The following GTPBP10 variants were observed in gnomAD, a reference collection of about 807,000 sequenced individuals.
GTPBP10 encodes GTP-binding protein 10.
A neutral mutation model predicts 44.8 loss-of-function variants in GTPBP10; 38 were observed. The observed-to-expected ratio is 0.85, with a 90% CI of 0.65 to 1.11. GTPBP10 has a LOEUF of 1.11. GTPBP10 is among the 50% of genes most tolerant of loss of function. The probability of loss-of-function intolerance (pLI) is 0.00; values close to 1 mark genes in which losing one functional copy is unlikely to be tolerated. For synonymous variants in GTPBP10, 152 were observed against 150.6 expected (o/e 1.01, Z -0.07); for missense variants, 462 against 453.7 (o/e 1.02, Z -0.17).
chr7:90,353,759 T>A (rs1584628051), intron 2 of GTPBP10, among the ~76,000 whole-genome samples: 1 of 152,166 alleles, frequency 6.6e-6, no homozygotes, highest in Non-Finnish European at 1.5e-5. Context: ...ATGTAAGTAC[T>A]CTCATTTGAG....
chr7:90,359,640 C>T (rs931524955), intron 4 of GTPBP10, among the ~76,000 whole-genome samples: 5 of 152,136 alleles, frequency 3.3e-5, no homozygotes, highest in Non-Finnish European at 7.3e-5. Flanking sequence ...GATTTATAAT[C>T]GTTCGGGTAT....
intron 1 of GTPBP10, among the ~76,000 whole-genome samples, chr7:90,348,449 CT>C (rs1257619497): frequency 6.6e-6 from 1 of 151,992 alleles, no homozygotes; most frequent in Non-Finnish European, 1.5e-5. Flanking sequence ...ATACTGTATT[CT>C]TAAATTAAGC....
At chr7:90,377,113 A>C (rs894795357) in intron 6 of GTPBP10, among the ~76,000 whole-genome samples, 4 of 152,134 alleles carry the variant, frequency 2.6e-5, no homozygotes, top group African/African-American at 4.8e-5. Context: ...AGTCTTAGCT[A>C]CTTGGGAGAC....
chr7:90,386,850 T>C lies in GTPBP10; in HGVS notation c.*1696T>C, dbSNP rs1257703102. On this transcript the variant is annotated 3_prime_UTR_variant, in exon 10 of 10. Coordinates refer to ENST00000222511, the MANE Select transcript of GTPBP10 (RefSeq NM_033107.4). ...TGATTGTAAAAACAAAAAATTCAAATAGTACAAAAGCATATAAGTAACTAA... is the reference window on the plus strand; with the variant it reads ...TGATTGTAAAAACAAAAAATTCAAACAGTACAAAAGCATATAAGTAACTAA... 1 of 152,174 alleles carries C rather than the reference T, an allele frequency of 6.6e-6. No homozygotes were observed. The highest frequency in any genetic ancestry group is 1.5e-5 in the Non-Finnish European group (1 of 68,034). The allele number at this position is 152,174 out of a possible 1,614,324, so 9.4% of individuals were successfully genotyped here.
chr7:90,352,298 G>A (rs1319825283), intron 1 of GTPBP10, among the ~76,000 whole-genome samples: 1 of 152,236 alleles, frequency 6.6e-6, no homozygotes, highest in Admixed American at 6.5e-5. Context: ...TTTACCTGGG[G>A]AAGAGTTTGG....
rs1796585516 is a variant in GTPBP10 at position 90,389,774 on chromosome 7, A to G, written c.*4620A>G. On this transcript the variant is annotated 3_prime_UTR_variant, in exon 10 of 10. Coordinates refer to ENST00000222511, the MANE Select transcript of GTPBP10 (RefSeq NM_033107.4). Reference sequence around the variant, plus strand: ...AAACATCTTTTTTTCTTAAAGAGATATTTCATATCTGTTCTATTTGTTTAG... The same window carrying G: ...AAACATCTTTTTTTCTTAAAGAGATGTTTCATATCTGTTCTATTTGTTTAG... The G allele has an allele frequency of 6.6e-6, 1 of 152,112 alleles. No individual in the cohort carries two copies. The highest frequency in any genetic ancestry group is 2.1e-4 in the South Asian group (1 of 4,822). The allele number at this position is 152,112 out of a possible 1,614,324, so 9.4% of individuals were successfully genotyped here.
chr7:90,364,625 T>G (rs1796095030), intron 4 of GTPBP10, among the ~76,000 whole-genome samples: 1 of 152,158 alleles, frequency 6.6e-6, no homozygotes. Flanking sequence ...GTTCTCAAAC[T>G]CCGTGCTGGG....
intron 8 of GTPBP10, among the ~76,000 whole-genome samples, chr7:90,379,289 C>T (rs1302171999): frequency 6.6e-6 from 1 of 152,046 alleles, no homozygotes; most frequent in East Asian, 1.9e-4. Context: ...CCTTTCCATT[C>T]TCCCTGTGTC....
At chr7:90,366,315 T>G (rs1403759685) in intron 4 of GTPBP10, among the ~76,000 whole-genome samples, 1 of 152,194 alleles carries the variant, frequency 6.6e-6, no homozygotes, top group East Asian at 1.9e-4. Flanking sequence ...GAGGATTCCC[T>G]CTTTTTCTAT....
intron 4 of GTPBP10, among the ~76,000 whole-genome samples, chr7:90,370,680 C>G (rs11765188): frequency 0.25 from 37,313 of 152,000 alleles, 4,892 homozygotes; most frequent in African/African-American, 0.34. Flanking sequence ...AAAAAAATCA[C>G]TTGTACCCCT....
At chr7:90,368,275 C>T (rs999857400) in intron 4 of GTPBP10, among the ~76,000 whole-genome samples, 23 of 152,074 alleles carry the variant, frequency 1.5e-4, no homozygotes, top group African/African-American at 3.6e-4. Flanking sequence ...TTGCTCTTCT[C>T]GAGGAGTATC....
At position 90,388,292 on chromosome 7, in the gene GTPBP10, T is replaced by A. The variant is rs1416630910; in HGVS notation, c.*3138T>A. On this transcript the variant is annotated 3_prime_UTR_variant, in exon 10 of 10. Coordinates refer to ENST00000222511, the MANE Select transcript of GTPBP10 (RefSeq NM_033107.4). ...TTTATTTTGTCCTTAAGTAAGACTT[T>A]TCATTTTTACCTTTCAAAATGCAAT... 6.6e-6 allele frequency: 1 copy of A among 152,226 alleles called. No individual in the cohort carries two copies. The highest frequency in any genetic ancestry group is 2.4e-5 in the African/African-American group (1 of 41,456). The allele number at this position is 152,226 out of a possible 1,614,324, so 9.4% of individuals were successfully genotyped here. A position where few individuals can be genotyped will look rare whatever the true frequency, so the allele number is the denominator to read the frequency against.
intron 4 of GTPBP10, 35 bp downstream of exon 4, chr7:90,355,265 C>CAG: frequency 6.9e-6 from 9 of 1,312,348 alleles, no homozygotes; most frequent in Non-Finnish European, 7.2e-6. Context: ...ATTATACTTT[C>CAG]AGAGAGAGAG....
chr7:90,371,707 T>C (rs1394442578), intron 4 of GTPBP10, among the ~76,000 whole-genome samples: 1 of 152,220 alleles, frequency 6.6e-6, no homozygotes, highest in African/African-American at 2.4e-5. Context: ...GTATTAATAT[T>C]TGTTGAAGCT....
In GTPBP10 at chr7:90,384,996, A is replaced by C. The variant is rs1462581160; in HGVS notation, c.1006A>C (p.Lys336Gln). 6.2e-7 allele frequency: 1 copy of C among 1,613,880 alleles called. No individual in the cohort carries two copies. Among genetic ancestry groups the C allele is most frequent in the Non-Finnish European group, 8.5e-7 (1 of 1,179,944 alleles). The change falls in exon 10 of 10, where the codon AAG becomes CAG. Residue 336 changes from lysine (K) to glutamine (Q), a missense_variant. Physicochemically the swap from Lys to Gln is moderately conservative, Grantham distance 53. Coordinates refer to ENST00000222511, the MANE Select transcript of GTPBP10 (RefSeq NM_033107.4). Reference protein sequence around the residue: ...AVTGEGIEELKNCIRKSLDEQ... With the variant: ...AVTGEGIEELQNCIRKSLDEQ... The stretch of plus-strand genomic sequence containing the variant: ...TACTGGAGAAGGAATCGAAGAATTA[A>C]AGAATTGTATAAGAAAGTCACTGGA...
Position 90,391,338 on chromosome 7 carries a change from TG to T in GTPBP10, c.*6185del, listed in dbSNP as rs745769438. ...ATAGTACCAAACCCTATATATATTA[TG>T]TTTTTTTCTATATATACACAGCTAT... is the stretch of plus-strand genomic sequence containing the variant. On this transcript the variant is annotated 3_prime_UTR_variant, in exon 10 of 10. Transcript: ENST00000222511. The T allele has an allele frequency of 6.6e-6, 1 of 152,258 alleles. No individual in the cohort carries two copies. Among genetic ancestry groups the T allele is most frequent in the East Asian group, 1.9e-4 (1 of 5,188 alleles). 9.4% of individuals were successfully genotyped at this position (152,258 alleles called of 1,614,324 possible).
chr7:90,358,300 A>G (rs987695217), intron 4 of GTPBP10, among the ~76,000 whole-genome samples: 1 of 152,034 alleles, frequency 6.6e-6, no homozygotes, highest in African/African-American at 2.4e-5. Context: ...AACAAATGGA[A>G]ATACATCCAA....
chr7:90,379,260 T>C (rs1355018671), intron 8 of GTPBP10, among the ~76,000 whole-genome samples: 1 of 152,166 alleles, frequency 6.6e-6, no homozygotes, highest in African/African-American at 2.4e-5. Flanking sequence ...GCCCTTCTTA[T>C]TGGAATATTG....
At chr7:90,364,874 C>T (rs1477622244) in intron 4 of GTPBP10, among the ~76,000 whole-genome samples, 1 of 152,206 alleles carries the variant, frequency 6.6e-6, no homozygotes, top group Non-Finnish European at 1.5e-5. Flanking sequence ...AGTTCGATCT[C>T]AGACTGCTGT....
Sources: allele counts gnomAD v4.1 joint callset (sites outside exome capture counted in the v4.1 genomes callset), GRCh38; gene constraint gnomAD v4.1.1; transcripts MANE v1.5; gene names NCBI Gene and HGNC (gene_info 2026-07-23, HGNC 2026-07-21).